The following SPTBN1 variants were observed in gnomAD, a reference collection of about 807,000 sequenced individuals.
SPTBN1 encodes the protein spectrin beta chain, non-erythrocytic 1.
In SPTBN1, 32 loss-of-function variants were observed where a neutral mutation model predicts 266.4. The ratio of observed to expected loss-of-function variants is 0.12; its 90% CI spans 0.09 to 0.16. SPTBN1 has a LOEUF of 0.16. SPTBN1 is among the 10% of genes least tolerant of loss of function. SPTBN1 has a pLI of 1.00. For missense variants in SPTBN1, 2,296 were observed against 3,067.1 expected (o/e 0.75, Z 5.94); for synonymous variants, 1,336 against 1,162.2 (o/e 1.15, Z -3.04).
chr2:54,669,045 A>G lies in SPTBN1; in HGVS notation c.*476A>G. The G allele has an allele frequency of 5.7e-6, 1 of 173,930 alleles. No individual in the cohort carries two copies. Among genetic ancestry groups the G allele is most frequent in the Non-Finnish European group, 1.2e-5 (1 of 80,692 alleles). 10.8% of individuals were successfully genotyped at this position (173,930 alleles called of 1,614,324 possible). ...GAGATGGGGCTAACCTTTATTAAACAGATCGCATATTATGATCTTGCTGCA... is the reference window on the plus strand; with the variant it reads ...GAGATGGGGCTAACCTTTATTAAACGGATCGCATATTATGATCTTGCTGCA... On this transcript the variant is annotated 3_prime_UTR_variant, in exon 36 of 36. Transcript: ENST00000356805.
intron 2 of SPTBN1, among the ~76,000 whole-genome samples, chr2:54,537,866 G>A (rs889209268): frequency 2.0e-5 from 3 of 152,144 alleles, no homozygotes; most frequent in African/African-American, 7.2e-5. Flanking sequence ...GTGTTTGGGA[G>A]AAAGGCTGTA....
intron 1 of SPTBN1, among the ~76,000 whole-genome samples, chr2:54,485,431 G>T (rs1668310014): frequency 1.3e-5 from 2 of 152,232 alleles, no homozygotes; most frequent in Admixed American, 1.3e-4. Flanking sequence ...AACCGTGAGT[G>T]ATCTGCCAGC....
chr2:54,632,054 T>A (rs1181232030), intron 16 of SPTBN1, among the ~76,000 whole-genome samples: 4 of 137,620 alleles, frequency 2.9e-5, no homozygotes, highest in Non-Finnish European at 4.6e-5. Flanking sequence ...TCCAGCCTGG[T>A]GGCAGGGTGA....
intron 1 of SPTBN1, among the ~76,000 whole-genome samples, chr2:54,515,328 G>A (rs976370832): frequency 4.8e-4 from 73 of 152,180 alleles, no homozygotes; most frequent in African/African-American, 1.5e-3. Flanking sequence ...CTGGTCTGCT[G>A]CACAGCCAGC....
At chr2:54,560,706 G>A (rs961215953) in intron 2 of SPTBN1, among the ~76,000 whole-genome samples, 9 of 152,138 alleles carry the variant, frequency 5.9e-5, no homozygotes, top group African/African-American at 2.2e-4. Context: ...TAGCCCCAGT[G>A]ACTTTCTTAT....
In SPTBN1 at chr2:54,533,699, C is replaced by G. The variant is rs1300749393; in HGVS notation, c.148+7133C>G. On this transcript the variant is annotated intron_variant, in intron 2 of 35. Coordinates refer to ENST00000356805, the MANE Select transcript of SPTBN1 (RefSeq NM_003128.3). This position sits in a 1 kb window ranked among gnomAD's most constrained non-coding sequence, Gnocchi z 4.2. The stretch of plus-strand genomic sequence containing the variant: ...CCGAGTAGCTGGGACTACAGGCACC[C>G]GCCACCACACCTGGCTAATTTTTGT... 1.3e-5 allele frequency among the ~76,000 whole-genome samples: 2 copies of G among 152,016 alleles called. No individual in the cohort carries two copies. The highest frequency in any genetic ancestry group is 1.3e-4 in the Admixed American group (2 of 15,270).
At chr2:54,583,477 G>A (rs773932795) in intron 2 of SPTBN1, among the ~76,000 whole-genome samples, 9 of 152,106 alleles carry the variant, frequency 5.9e-5, no homozygotes, top group Non-Finnish European at 1.2e-4. Flanking sequence ...GAAGATACCT[G>A]GAGGCTGACC....
chr2:54,598,788 G>C (rs1450983046), intron 2 of SPTBN1, among the ~76,000 whole-genome samples: 1 of 152,198 alleles, frequency 6.6e-6, no homozygotes, highest in African/African-American at 2.4e-5. Flanking sequence ...AGGATGTTCT[G>C]CTGGCAGTGT....
chr2:54,522,483 T>C (rs1417822917), intron 1 of SPTBN1, among the ~76,000 whole-genome samples: 3 of 151,392 alleles, frequency 2.0e-5, no homozygotes, highest in Non-Finnish European at 4.4e-5. Flanking sequence ...ATACAAAAAT[T>C]AGTCAGGCAT....
chr2:54,642,915 C>A (rs1287668520), intron 18 of SPTBN1, 68 bp from the exon 19 acceptor site: 11 of 1,563,712 alleles, frequency 7.0e-6, no homozygotes, highest in Non-Finnish European at 9.5e-6. Context: ...TAAACACAAC[C>A]CTTTCCAGGC....
chr2:54,465,675 A>G (rs1012003036), intron 1 of SPTBN1, among the ~76,000 whole-genome samples: 5 of 96,724 alleles, frequency 5.2e-5, no homozygotes, highest in Non-Finnish European at 1.0e-4. Context: ...TATATCTCAC[A>G]CATGGGAGAG....
chr2:54,589,575 T>C (rs1009349304), intron 2 of SPTBN1, among the ~76,000 whole-genome samples: 1 of 152,232 alleles, frequency 6.6e-6, no homozygotes, highest in South Asian at 2.1e-4. Context: ...AATATTTACA[T>C]GTGTTTTGTC....
At chr2:54,532,114 C>G (rs1277389998) in intron 2 of SPTBN1, among the ~76,000 whole-genome samples, 1 of 152,064 alleles carries the variant, frequency 6.6e-6, no homozygotes, top group Non-Finnish European at 1.5e-5. Flanking sequence ...GTAGCGAAAC[C>G]CCATCTCTGC....
chr2:54,529,567 T>C, intron 2 of SPTBN1: 2 of 716,358 alleles, frequency 2.8e-6, no homozygotes, highest in Middle Eastern at 3.1e-4. Context: ...TTGACCACTA[T>C]GCTATCATCA....
At position 54,668,623 on chromosome 2, in the gene SPTBN1, A is replaced by T. The variant is rs1361652690; in HGVS notation, c.*54A>T. The T allele has an allele frequency of 1.3e-6, 2 of 1,506,752 alleles. No individual in the cohort carries two copies. The highest frequency in any genetic ancestry group is 2.8e-5 in the African/African-American group (2 of 71,474). 93.3% of individuals were successfully genotyped at this position (1,506,752 alleles called of 1,614,324 possible). On this transcript the variant is annotated 3_prime_UTR_variant, in exon 36 of 36. Coordinates refer to ENST00000356805, the MANE Select transcript of SPTBN1 (RefSeq NM_003128.3). ...CTTACCTTTTCAGTGAAATTCCAGCATGCAAGCTCAGAACCAACACATTAC... is the reference window on the plus strand; with the variant it reads ...CTTACCTTTTCAGTGAAATTCCAGCTTGCAAGCTCAGAACCAACACATTAC...
At chr2:54,633,408 CGTGTGTGTGTGT>C (rs370440106) in intron 17 of SPTBN1, among the ~76,000 whole-genome samples, 2 of 146,688 alleles carry the variant, frequency 1.4e-5, no homozygotes, top group African/African-American at 5.0e-5. Context: ...TTTTTATTTA[CGTGTGTGTGTGT>C]GTGTGCGTGT....
At chr2:54,604,482 G>T (rs1489761859) in intron 3 of SPTBN1, among the ~76,000 whole-genome samples, 1 of 152,138 alleles carries the variant, frequency 6.6e-6, no homozygotes, top group African/African-American at 2.4e-5. Flanking sequence ...AGGCTGGGCA[G>T]GCAGGTGGGA....
At chr2:54,641,370 A>C (rs968609231) in intron 18 of SPTBN1, among the ~76,000 whole-genome samples, 1 of 152,190 alleles carries the variant, frequency 6.6e-6, no homozygotes, top group Non-Finnish European at 1.5e-5. Flanking sequence ...TGTCCTTGGC[A>C]CTTTGAATCA....
chr2:54,646,504 C>G lies in SPTBN1; in HGVS notation c.4866+29C>G. The G allele has an allele frequency of 6.8e-7, 1 of 1,467,090 alleles. No homozygotes were observed. The highest frequency in any genetic ancestry group is 9.0e-7 in the Non-Finnish European group (1 of 1,109,958). 90.9% of individuals were successfully genotyped at this position (1,467,090 alleles called of 1,614,324 possible). ...AGAGGAGGCGGGAAGCATCCCTGTC[C>G]CAGGAGAGCCTCAGATTCAAACCCT... On this transcript the variant is annotated intron_variant, in intron 23 of 35. Coordinates refer to ENST00000356805, the MANE Select transcript of SPTBN1 (RefSeq NM_003128.3). This position sits in a 1 kb window ranked among gnomAD's most constrained non-coding sequence, Gnocchi z 4.4.
Sources: allele counts gnomAD v4.1 joint callset (sites outside exome capture counted in the v4.1 genomes callset), GRCh38; gene constraint gnomAD v4.1.1; non-coding constraint Gnocchi (gnomAD v3.1); transcripts MANE v1.5; gene names NCBI Gene and HGNC (gene_info 2026-07-23, HGNC 2026-07-21).